ROBO1: variants seen among roughly 807,000 people sequenced by gnomAD.
ROBO1 encodes the protein roundabout homolog 1.
ROBO1 carries 149 observed loss-of-function variants against 195.9 expected under a neutral mutation model. The observed-to-expected ratio is 0.76, with a 90% CI of 0.67 to 0.87. The LOEUF is 0.87. Ranked by LOEUF, ROBO1 falls within the 40% of genes least tolerant of loss-of-function variation. The pLI is 0.00. For missense variants in ROBO1, 1,933 were observed against 2,068.3 expected (o/e 0.93, Z 1.27); for synonymous variants, 816 against 733.2 (o/e 1.11, Z -1.82).
chr3:79,220,141 A>C (rs1411992692), intron 2 of ROBO1, among the ~76,000 whole-genome samples: 1 of 152,150 alleles, frequency 6.6e-6, no homozygotes, highest in Non-Finnish European at 1.5e-5. Flanking sequence ...AATATAATAC[A>C]AATCTGGCAT....
At chr3:79,293,738 C>T (rs1037775765) in intron 2 of ROBO1, among the ~76,000 whole-genome samples, 1 of 152,068 alleles carries the variant, frequency 6.6e-6, no homozygotes, top group Non-Finnish European at 1.5e-5. Flanking sequence ...CATCAAGCTA[C>T]CATTGACTTT....
chr3:78,627,464 C>G lies in ROBO1; in HGVS notation c.3732G>C (p.Arg1244=), dbSNP rs776500043. ...CGGCAGCTGGAGAAGAAGCTGCTCCCCGAACAGGGGGAGTGGGGCCTCGTT... is the reference window on the plus strand; with the variant it reads ...CGGCAGCTGGAGAAGAAGCTGCTCCGCGAACAGGGGGAGTGGGGCCTCGTT... ...EDERGPTPPV[R]GAASSPAAVS... is the part of the protein sequence containing the mutation. The change falls in exon 26 of 31, where the codon CGG becomes CGC. Residue 1244 remains arginine (R), a synonymous_variant. Coordinates refer to ENST00000464233, the MANE Select transcript of ROBO1 (RefSeq NM_002941.4). 1.2e-6 allele frequency: 2 copies of G among 1,613,110 alleles called. No individual in the cohort carries two copies. The highest frequency in any genetic ancestry group is 2.2e-5 in the South Asian group (2 of 90,930).
chr3:78,825,750 T>C (rs2031534242), intron 4 of ROBO1, among the ~76,000 whole-genome samples: 1 of 152,130 alleles, frequency 6.6e-6, no homozygotes, highest in African/African-American at 2.4e-5. Flanking sequence ...TAAATCTGAT[T>C]TGGTTATCAA....
chr3:79,738,890 A>T (rs984832589), intron 1 of ROBO1, among the ~76,000 whole-genome samples: 1 of 152,328 alleles, frequency 6.6e-6, no homozygotes, highest in Non-Finnish European at 1.5e-5. Context: ...AGATAGGGGC[A>T]GTCCAATGTG....
chr3:78,742,422 T>C (rs767727235), intron 5 of ROBO1, among the ~76,000 whole-genome samples: 2 of 152,158 alleles, frequency 1.3e-5, no homozygotes, highest in Non-Finnish European at 2.9e-5. Context: ...ATGTCATGTA[T>C]TCTGTTTATG....
chr3:78,872,004 T>C (rs970944440), intron 4 of ROBO1, among the ~76,000 whole-genome samples: 8 of 152,182 alleles, frequency 5.3e-5, no homozygotes, highest in Non-Finnish European at 8.8e-5. Context: ...CAAGAGCTTT[T>C]CTGTCACTTG....
Position 79,496,387 on chromosome 3 carries a change from C to CATTTTATTTT in ROBO1, c.88+93436_88+93437insAAAATAAAAT, listed in dbSNP as rs145186389. Among the ~76,000 whole-genome samples, 2 of 112,788 alleles carry CATTTTATTTT rather than the reference C, an allele frequency of 1.8e-5. 1 individual carries two copies. Among genetic ancestry groups the CATTTTATTTT allele is most frequent in the African/African-American group, 7.1e-5 (2 of 28,184 alleles). 74.0% of individuals were successfully genotyped at this position (112,788 alleles called of 152,430 possible). ...TTTTGGTATAATGCTGCGCACCCAT[C>CATTTTATTTT]TTTTTTTGAGACGGAGTCTCGCTCT... On this transcript the variant is annotated intron_variant, in intron 2 of 30. Transcript: ENST00000464233.
At chr3:78,636,243 A>C in intron 22 of ROBO1, 135 bp from the exon 23 acceptor site, 11 of 577,850 alleles carry the variant, frequency 1.9e-5, no homozygotes, top group Non-Finnish European at 5.9e-6. Context: ...GATCAATAAA[A>C]ACGGCCAAAT....
chr3:79,065,773 ATTAG>A (rs1298354095), intron 3 of ROBO1, among the ~76,000 whole-genome samples: 1 of 151,968 alleles, frequency 6.6e-6, no homozygotes, highest in Non-Finnish European at 1.5e-5. Context: ...TTTCTTAAAA[ATTAG>A]TTAGATAAAA....
Position 79,407,258 on chromosome 3 carries a change from A to G in ROBO1, c.88+182566T>C, listed in dbSNP as rs371303131. On this transcript the variant is annotated intron_variant, in intron 2 of 30. Coordinates refer to ENST00000464233, the MANE Select transcript of ROBO1 (RefSeq NM_002941.4). ...CACATATCTTAAAATTTGACATTAC[A>G]GAATAGAAGACATTGTAATAGCCAT... is the stretch of plus-strand genomic sequence containing the variant. Among the ~76,000 whole-genome samples, 31 of 152,276 alleles carry G rather than the reference A, an allele frequency of 2.0e-4. 1 individual carries two copies. In the South Asian group the frequency reaches 2.9e-3, roughly 14 times the overall value.
intron 8 of ROBO1, among the ~76,000 whole-genome samples, chr3:78,703,357 T>A (rs77403787): frequency 0.018 from 2,793 of 152,260 alleles, 79 homozygotes; most frequent in African/African-American, 0.063. Context: ...TTCTCACAAA[T>A]CACTCTCTTG....
chr3:79,066,851 T>C (rs1360769818), intron 3 of ROBO1, among the ~76,000 whole-genome samples: 1 of 151,894 alleles, frequency 6.6e-6, no homozygotes, highest in Non-Finnish European at 1.5e-5. Context: ...ATAACGATTA[T>C]TTGGCTGGAA....
At chr3:78,903,635 TA>T (rs1462676134) in intron 4 of ROBO1, among the ~76,000 whole-genome samples, 2 of 151,948 alleles carry the variant, frequency 1.3e-5, no homozygotes, top group Non-Finnish European at 2.9e-5. Context: ...TAGAAATTAA[TA>T]GAAGAAATTC....
At chr3:79,664,571 C>T (rs1036743984) in intron 1 of ROBO1, among the ~76,000 whole-genome samples, 2 of 151,964 alleles carry the variant, frequency 1.3e-5, no homozygotes, top group African/African-American at 4.8e-5. Flanking sequence ...TTTATTTTTT[C>T]ATAACAAGGT....
At chr3:79,742,421 C>T (rs1703686409) in intron 1 of ROBO1, among the ~76,000 whole-genome samples, 1 of 152,158 alleles carries the variant, frequency 6.6e-6, no homozygotes, top group African/African-American at 2.4e-5. Flanking sequence ...GCTGCCGCTT[C>T]AGAGGGTGCA....
intron 2 of ROBO1, among the ~76,000 whole-genome samples, chr3:79,383,766 C>G (rs1162144909): frequency 6.6e-6 from 1 of 152,014 alleles, no homozygotes; most frequent in African/African-American, 2.4e-5. Flanking sequence ...ATTTTCCTTT[C>G]TTTCTTTAGT....
In ROBO1 at chr3:79,005,273, G is replaced by T. The variant is rs867081380; in HGVS notation, c.173-66346C>A. Among the ~76,000 whole-genome samples, 6 of 152,216 alleles carry T rather than the reference G, an allele frequency of 3.9e-5. No homozygotes were observed. The South Asian group carries it at 1.2e-3, about 32-fold the overall frequency. Reference sequence around the variant, plus strand: ...ACTCAGACGTTATTCCCTTCTTCATGCCTGTGAGCGTCTCATATGATTCCT... The same window carrying T: ...ACTCAGACGTTATTCCCTTCTTCATTCCTGTGAGCGTCTCATATGATTCCT... On this transcript the variant is annotated intron_variant, in intron 3 of 30. Transcript: ENST00000464233.
At chr3:78,878,087 T>C (rs1237223701) in intron 4 of ROBO1, among the ~76,000 whole-genome samples, 1 of 152,106 alleles carries the variant, frequency 6.6e-6, no homozygotes, top group Non-Finnish European at 1.5e-5. Flanking sequence ...TCGTTCTCAA[T>C]TAAAAATGAT....
intron 4 of ROBO1, among the ~76,000 whole-genome samples, chr3:78,775,082 A>C (rs2083470560): frequency 6.6e-6 from 1 of 152,260 alleles, no homozygotes; most frequent in South Asian, 2.1e-4. Flanking sequence ...ACTTTGAAGA[A>C]ATGCATATGT....
Sources: allele counts gnomAD v4.1 joint callset (sites outside exome capture counted in the v4.1 genomes callset), GRCh38; gene constraint gnomAD v4.1.1; transcripts MANE v1.5; gene names NCBI Gene and HGNC (gene_info 2026-07-23, HGNC 2026-07-21).